Variants in ZNF148 observed in about 807,000 individuals in gnomAD.
ZNF148 encodes the protein Beta-Enolase Repressor Factor-1.
In ZNF148, 7 loss-of-function variants were observed where a neutral mutation model predicts 67.7. The observed-to-expected ratio is 0.10, with a 90% CI of 0.06 to 0.19. The LOEUF (loss-of-function observed/expected upper bound fraction) is 0.19, where lower values mean the gene tolerates loss of function less well. ZNF148 is among the 10% of genes least tolerant of loss of function. The pLI is 1.00. For missense variants in ZNF148, 583 were observed against 947.1 expected, an observed-to-expected ratio of 0.62 and a Z score of 5.05; for synonymous variants, 333 against 330.7, an observed-to-expected ratio of 1.01 and a Z score of -0.08.
intron 8 of ZNF148, 108 bp downstream of exon 8, chr3:125,234,101 AAG>A: frequency 8.3e-7 from 1 of 1,210,484 alleles, no homozygotes; most frequent in Non-Finnish European, 1.1e-6. Flanking sequence ...TCTAATCTGT[AAG>A]AGTTAGAAGG....
At chr3:125,296,205 T>A (rs544118228) in intron 4 of ZNF148, among the ~76,000 whole-genome samples, 114 of 151,634 alleles carry the variant, frequency 7.5e-4, no homozygotes, top group African/African-American at 2.5e-3. Flanking sequence ...CACTGCAACC[T>A]CCGCCTCCCA....
chr3:125,276,490 A>C (rs1938078126), intron 7 of ZNF148, among the ~76,000 whole-genome samples: 1 of 151,716 alleles, frequency 6.6e-6, no homozygotes, highest in African/African-American at 2.4e-5. Flanking sequence ...CTGGAGTGCA[A>C]TGGCGCGATC....
chr3:125,317,660 T>TAGAGAGAGAGAGAGAGAG (rs66600598), intron 3 of ZNF148, among the ~76,000 whole-genome samples: 2,619 of 61,828 alleles, frequency 0.042, 39 homozygotes, highest in Admixed American at 0.075. Context: ...TATATATATA[T>TAGAGAGAGAGAGAGAGAG]ATAGAGAGAG....
intron 7 of ZNF148, among the ~76,000 whole-genome samples, chr3:125,256,317 G>A (rs1462955057): frequency 6.7e-6 from 1 of 150,126 alleles, no homozygotes; most frequent in Non-Finnish European, 1.5e-5. Context: ...GCAGTGAGCC[G>A]AGACAGCACC....
At chr3:125,268,369 C>A (rs1032994879) in intron 7 of ZNF148, among the ~76,000 whole-genome samples, 2 of 151,534 alleles carry the variant, frequency 1.3e-5, no homozygotes, top group Non-Finnish European at 2.9e-5. Context: ...GATACACAAA[C>A]CAATGGAACA....
intron 7 of ZNF148, among the ~76,000 whole-genome samples, chr3:125,251,482 C>T (rs932638050): frequency 1.2e-4 from 19 of 152,194 alleles, no homozygotes; most frequent in African/African-American, 4.6e-4. Flanking sequence ...AGAAAGGGAA[C>T]ATTAGACACT....
chr3:125,340,809 AC>A (rs1376124967), intron 1 of ZNF148, among the ~76,000 whole-genome samples: 1 of 151,078 alleles, frequency 6.6e-6, no homozygotes, highest in Non-Finnish European at 1.5e-5. Context: ...AAACGGTGAA[AC>A]CCCGTCTCTA....
intron 4 of ZNF148, among the ~76,000 whole-genome samples, chr3:125,305,302 G>T (rs932293014): frequency 6.6e-6 from 1 of 152,146 alleles, no homozygotes; most frequent in African/African-American, 2.4e-5. Context: ...ATCAGGTAAG[G>T]CCTGAGGGAC....
At chr3:125,250,643 G>A (rs1936799580) in intron 7 of ZNF148, among the ~76,000 whole-genome samples, 1 of 152,158 alleles carries the variant, frequency 6.6e-6, no homozygotes. Context: ...CTAGTGTCTG[G>A]TCTTCTTCCA....
chr3:125,290,909 A>G (rs757770559), intron 4 of ZNF148, among the ~76,000 whole-genome samples: 2 of 152,224 alleles, frequency 1.3e-5, no homozygotes, highest in Non-Finnish European at 2.9e-5. Flanking sequence ...AGACAATGAC[A>G]GCTGCAAGTT....
intron 7 of ZNF148, among the ~76,000 whole-genome samples, chr3:125,268,880 T>C (rs1282797768): frequency 1.3e-5 from 2 of 152,212 alleles, no homozygotes; most frequent in East Asian, 1.9e-4. Context: ...AGTTTCTGCA[T>C]AGCAAAAGAA....
intron 2 of ZNF148, among the ~76,000 whole-genome samples, chr3:125,330,760 C>A (rs1941256922): frequency 6.6e-6 from 1 of 151,940 alleles, no homozygotes; most frequent in Non-Finnish European, 1.5e-5. Flanking sequence ...TATGTAAACT[C>A]CTTGAAAACT....
intron 1 of ZNF148, among the ~76,000 whole-genome samples, chr3:125,367,656 A>G (rs949644849): frequency 6.6e-6 from 1 of 152,146 alleles, no homozygotes. Context: ...CATTCATTCA[A>G]CAAGCTCGTG....
chr3:125,289,517 T>C, intron 4 of ZNF148, among the ~76,000 whole-genome samples: 1 of 152,184 alleles, frequency 6.6e-6, no homozygotes, highest in East Asian at 1.9e-4. Context: ...TTATTTTGAC[T>C]ACAAAATACG....
At chr3:125,302,103 G>A (rs781768503) in intron 4 of ZNF148, among the ~76,000 whole-genome samples, 2 of 151,144 alleles carry the variant, frequency 1.3e-5, no homozygotes, top group Non-Finnish European at 3.0e-5. Flanking sequence ...ATGGCCAGTT[G>A]TGGTGGCTCA....
chr3:125,370,341 T>C (rs1942838501), intron 1 of ZNF148, among the ~76,000 whole-genome samples: 1 of 152,134 alleles, frequency 6.6e-6, no homozygotes, highest in South Asian at 2.1e-4. Context: ...TTGCCTACAA[T>C]ACCCCCAAAG....
At chr3:125,277,673 C>T in intron 7 of ZNF148, 53 bp downstream of exon 7, 2 of 1,503,134 alleles carry the variant, frequency 1.3e-6, no homozygotes, top group Non-Finnish European at 1.8e-6. Context: ...AAATTCTTCC[C>T]TCCATTTGAA....
chr3:125,342,047 A>G (rs12493676), intron 1 of ZNF148, among the ~76,000 whole-genome samples: 1 of 151,840 alleles, frequency 6.6e-6, no homozygotes, highest in Non-Finnish European at 1.5e-5. Context: ...GAACTTGAGG[A>G]CAGAAAAGTA....
chr3:125,374,675 G>C (rs926402594), intron 1 of ZNF148, among the ~76,000 whole-genome samples: 3 of 151,934 alleles, frequency 2.0e-5, no homozygotes, highest in Admixed American at 2.0e-4. Context: ...CACTCCGGCA[G>C]CAACAGTGAC....
Sources: gnomAD v4.1 joint callset for allele counts (sites outside exome capture counted in the v4.1 genomes callset) on GRCh38, gnomAD v4.1.1 for gene constraint, MANE v1.5 for transcripts, NCBI Gene and HGNC (gene_info 2026-07-23, HGNC 2026-07-21) for gene names.